Variants in TAS1R1 observed in about 807,000 individuals in gnomAD.
TAS1R1 encodes the protein taste 1 receptor member 1.
TAS1R1 carries 31 observed loss-of-function variants against 45.8 expected under a neutral mutation model. The ratio of observed to expected loss-of-function variants is 0.68; its 90% confidence interval spans 0.51 to 0.91. The LOEUF is 0.91. Among genes scored for constraint, TAS1R1 ranks in the 40% least tolerant of loss-of-function variants. The pLI is 0.00. For synonymous variants in TAS1R1, 437 were observed against 448.4 expected, an observed-to-expected ratio of 0.97 and a Z score of 0.32; for missense variants, 1,051 against 1,063.9, an observed-to-expected ratio of 0.99 and a Z score of 0.17.
intron 1 of TAS1R1, among the ~76,000 whole-genome samples, chr1:6,564,059 T>C (rs1570110060): frequency 1.3e-5 from 2 of 152,094 alleles, no homozygotes; most frequent in African/African-American, 2.4e-5. Flanking sequence ...CAGAGTTTAG[T>C]TGGGCCAAGG....
intron 1 of TAS1R1, among the ~76,000 whole-genome samples, chr1:6,563,979 T>C (rs961801477): frequency 6.6e-6 from 1 of 151,884 alleles, no homozygotes; most frequent in African/African-American, 2.4e-5. Flanking sequence ...GGAATGTACT[T>C]GGGATTGTCA....
chr1:6,575,513 T>A, intron 3 of TAS1R1, 121 bp downstream of exon 3: 1 of 1,086,752 alleles, frequency 9.2e-7, no homozygotes, highest in Non-Finnish European at 1.3e-6. Context: ...ACTTGAGGTT[T>A]TTTGTTTTGT....
intron 1 of TAS1R1, among the ~76,000 whole-genome samples, chr1:6,565,360 C>G (rs80129059): frequency 1.6e-4 from 25 of 151,896 alleles, no homozygotes; most frequent in Non-Finnish European, 2.2e-4. Context: ...GTGTCTTGAC[C>G]GAATGTTGGG....
In TAS1R1 at chr1:6,555,323, C is replaced by G; in HGVS notation, c.-51C>G. 6.8e-7 allele frequency: 1 copy of G among 1,481,084 alleles called. No homozygotes were observed. Among genetic ancestry groups the G allele is most frequent in the Non-Finnish European group, 9.0e-7 (1 of 1,112,322 alleles). The allele number at this position is 1,481,084 out of a possible 1,614,324, so 91.7% of individuals were successfully genotyped here. ...AGCTGCCTTCTATTTAAGCAACTGG[C>G]CTCCTTAGAGGCCACTCCTTGGCCA... On this transcript the variant is annotated 5_prime_UTR_variant, in exon 1 of 6. Coordinates refer to ENST00000333172, the MANE Select transcript of TAS1R1 (RefSeq NM_138697.4).
At chr1:6,558,279 C>G (rs1175296019) in intron 1 of TAS1R1, among the ~76,000 whole-genome samples, 1 of 152,032 alleles carries the variant, frequency 6.6e-6, no homozygotes, top group Non-Finnish European at 1.5e-5. Flanking sequence ...CTCAAGCAGT[C>G]CTCTCACAGT....
At chr1:6,567,166 C>T (rs1467191401) in intron 1 of TAS1R1, among the ~76,000 whole-genome samples, 1 of 152,102 alleles carries the variant, frequency 6.6e-6, no homozygotes, top group African/African-American at 2.4e-5. Context: ...GAATAGGGAA[C>T]AAGTAAGAGG....
chr1:6,561,015 T>C (rs962975532), intron 1 of TAS1R1, among the ~76,000 whole-genome samples: 77 of 141,984 alleles, frequency 5.4e-4, no homozygotes, highest in Non-Finnish European at 6.4e-4. Flanking sequence ...AGAGGGGCGA[T>C]GTTTATGGAG....
Position 6,575,243 on chromosome 1 carries a change from A to G in TAS1R1, c.1111A>G (p.Met371Val), listed in dbSNP as rs768670698. ...NQLCRECQAF[M>V]AHTMPKLKAF... ...GCTCTGCAGAGAATGCCAAGCTTTC[A>G]TGGCACACACGATGCCCAAGCTCAA... The change falls in exon 3 of 6, where the codon ATG becomes GTG. Residue 371 changes from methionine to valine, a missense_variant. Coordinates refer to ENST00000333172, the MANE Select transcript of TAS1R1 (RefSeq NM_138697.4). The G allele has an allele frequency of 6.2e-6, 10 of 1,613,592 alleles. No homozygotes were observed. Among genetic ancestry groups the G allele is most frequent in the Admixed American group, 1.7e-5 (1 of 60,034 alleles).
At chr1:6,561,252 C>T (rs1475978624) in intron 1 of TAS1R1, among the ~76,000 whole-genome samples, 2 of 152,154 alleles carry the variant, frequency 1.3e-5, no homozygotes, top group African/African-American at 4.8e-5. Context: ...AAAGGCGCTG[C>T]CTGATTTCAG....
chr1:6,567,620 T>G (rs922380233), intron 1 of TAS1R1, among the ~76,000 whole-genome samples: 5 of 151,264 alleles, frequency 3.3e-5, no homozygotes, highest in African/African-American at 1.2e-4. Flanking sequence ...TACCCTGGGC[T>G]CTGCTGCATT....
chr1:6,556,194 C>T (rs1433949127), intron 1 of TAS1R1, among the ~76,000 whole-genome samples: 1 of 151,996 alleles, frequency 6.6e-6, no homozygotes, highest in East Asian at 1.9e-4. Context: ...TCTATCTTCT[C>T]TCCACTCCTA....
intron 1 of TAS1R1, among the ~76,000 whole-genome samples, chr1:6,566,319 T>C (rs2148669649): frequency 6.6e-6 from 1 of 152,232 alleles, no homozygotes; most frequent in East Asian, 1.9e-4. Context: ...AGAAGTCATC[T>C]TTTAGGTCAA....
Position 6,574,965 on chromosome 1 carries a change from A to C in TAS1R1, c.833A>C (p.Gln278Pro), listed in dbSNP as rs1445057164. 6.2e-7 allele frequency: 1 copy of C among 1,607,866 alleles called. No homozygotes were observed. Among genetic ancestry groups the C allele is most frequent in the Non-Finnish European group, 8.5e-7 (1 of 1,175,614 alleles). Residue 278 changes from glutamine to proline, a missense_variant, in exon 3 of 6, where the codon CAG becomes CCG. Transcript: ENST00000333172. The surrounding 1 kb of genome is among the most constrained non-coding windows in gnomAD (Gnocchi z 4.3). Reference protein sequence around the residue: ...ATVVVVFSSRQLARVFFESVV... With the variant: ...ATVVVVFSSRPLARVFFESVV... ...GTCGTGGTTGTTTTTTCCAGCCGGC[A>C]GTTGGCCAGGGTGTTTTTCGAGTCC...
chr1:6,576,871 A>C, intron 4 of TAS1R1, 79 bp from the exon 5 acceptor site: 378 of 1,572,060 alleles, frequency 2.4e-4, no homozygotes, highest in Non-Finnish European at 3.1e-4. Context: ...GCAGATGCAC[A>C]GAGATTCTGT....
rs753031494 is a variant in TAS1R1, at chr1:6,579,063, T to C, written c.2005T>C (p.Phe669Leu). The C allele has an allele frequency of 1.2e-6, 2 of 1,613,362 alleles. No individual in the cohort carries two copies. The highest frequency in any genetic ancestry group is 4.5e-5 in the East Asian group (2 of 44,834). ...IFKFSTKVPT[F>L]YHAWVQNHGA... ...CAAGTTTTCCACCAAGGTACCTACATTCTACCACGCCTGGGTCCAAAACCA... is the reference window on the plus strand; with the variant it reads ...CAAGTTTTCCACCAAGGTACCTACACTCTACCACGCCTGGGTCCAAAACCA... Residue 669 changes from phenylalanine to leucine, a missense_variant, in exon 6 of 6, where the codon TTC becomes CTC. By Grantham distance (22) the Phe-to-Leu change is conservative (BLOSUM62 0). Coordinates refer to ENST00000333172, the MANE Select transcript of TAS1R1 (RefSeq NM_138697.4).
At chr1:6,564,988 G>A (rs948598769) in intron 1 of TAS1R1, among the ~76,000 whole-genome samples, 1 of 152,000 alleles carries the variant, frequency 6.6e-6, no homozygotes, top group Non-Finnish European at 1.5e-5. Flanking sequence ...CTCTTAGTGC[G>A]GTGAATAGGT....
At position 6,574,561 on chromosome 1, in the gene TAS1R1, C is replaced by T. The variant is rs1460740918; in HGVS notation, c.499-70C>T. 6.5e-6 allele frequency: 10 copies of T among 1,528,902 alleles called. No homozygotes were observed. Among genetic ancestry groups the T allele is most frequent in the Non-Finnish European group, 7.9e-6 (9 of 1,137,106 alleles). The allele number at this position is 1,528,902 out of a possible 1,614,324, so 94.7% of individuals were successfully genotyped here. ...CTCCCCGGCTCCCTGTATCCCCACA[C>T]CCAGCACAGGGCCAGGCACTGGGGG... is the stretch of plus-strand genomic sequence containing the variant. On this transcript the variant is annotated intron_variant, in intron 2 of 5. Transcript: ENST00000333172. This position sits in a 1 kb window ranked among gnomAD's most constrained non-coding sequence, Gnocchi z 4.3.
intron 1 of TAS1R1, among the ~76,000 whole-genome samples, chr1:6,567,563 G>GA (rs34650839): frequency 0.72 from 101,318 of 140,408 alleles, 37,144 homozygotes; most frequent in Admixed American, 0.81. Flanking sequence ...CCGTCTCAAA[G>GA]AAAAAAAAAA....
At chr1:6,560,997 A>AAAAG (rs1553185881) in intron 1 of TAS1R1, among the ~76,000 whole-genome samples, 2 of 150,500 alleles carry the variant, frequency 1.3e-5, no homozygotes, top group African/African-American at 4.9e-5. Context: ...AAAAAAAAAA[A>AAAAG]AAAAAAAAGA....
Sources: allele counts gnomAD v4.1 joint callset (sites outside exome capture counted in the v4.1 genomes callset), GRCh38; gene constraint gnomAD v4.1.1; non-coding constraint Gnocchi (gnomAD v3.1); transcripts MANE v1.5; gene names NCBI Gene and HGNC (gene_info 2026-07-23, HGNC 2026-07-21).